TTC28: variants seen among roughly 807,000 people sequenced by gnomAD.
The protein encoded by TTC28 is tetratricopeptide repeat domain 28.
A neutral mutation model predicts 198.0 loss-of-function variants in TTC28; 61 were observed. The observed-to-expected ratio is 0.31, with a 90% confidence interval of 0.25 to 0.38. The LOEUF (loss-of-function observed/expected upper bound fraction) is 0.38. TTC28 is among the 10% of genes least tolerant of loss of function. The pLI, the probability that TTC28 is intolerant of heterozygous loss-of-function variation, is 1.00. For missense variants in TTC28, 2,678 were observed against 3,164.0 expected (o/e 0.85, Z 3.69); for synonymous variants, 1,171 against 1,297.8 (o/e 0.90, Z 2.10).
intron 5 of TTC28, among the ~76,000 whole-genome samples, chr22:28,276,504 G>A (rs1932441642): frequency 1.3e-5 from 2 of 152,104 alleles, no homozygotes; most frequent in Admixed American, 1.3e-4. Flanking sequence ...TTATGCTACT[G>A]CCAAATATAT....
intron 12 of TTC28, among the ~76,000 whole-genome samples, chr22:28,041,481 G>A (rs2146674242): frequency 6.6e-6 from 1 of 152,276 alleles, no homozygotes; most frequent in Admixed American, 6.5e-5. Flanking sequence ...AAGAAATGGG[G>A]AAAGGATTCC....
intron 2 of TTC28, among the ~76,000 whole-genome samples, chr22:28,626,109 G>C (rs1409551653): frequency 4.6e-5 from 7 of 151,954 alleles, no homozygotes; most frequent in Admixed American, 4.6e-4. Context: ...CCTTGGCGAA[G>C]ACAAAGGTTT....
At chr22:28,608,251 A>G (rs939424665) in intron 2 of TTC28, among the ~76,000 whole-genome samples, 1 of 152,218 alleles carries the variant, frequency 6.6e-6, no homozygotes, top group Non-Finnish European at 1.5e-5. Context: ...TATGAAAACC[A>G]AAAGCTTAGG....
At chr22:28,557,359 CTGCCTCTG>C (rs1278527769) in intron 2 of TTC28, among the ~76,000 whole-genome samples, 1 of 152,198 alleles carries the variant, frequency 6.6e-6, no homozygotes, top group East Asian at 1.9e-4. Context: ...TTCCATTTCT[CTGCCTCTG>C]TGCTACATTC....
At chr22:28,104,941 C>T (rs894553685) in intron 8 of TTC28, among the ~76,000 whole-genome samples, 1 of 152,166 alleles carries the variant, frequency 6.6e-6, no homozygotes, top group African/African-American at 2.4e-5. Flanking sequence ...TGTGCGAGAA[C>T]GTGCTGCTCA....
intron 2 of TTC28, among the ~76,000 whole-genome samples, chr22:28,520,592 A>T (rs76178946): frequency 0.029 from 4,477 of 152,206 alleles, 95 homozygotes; most frequent in Non-Finnish European, 0.049. Flanking sequence ...AAAGTAAATG[A>T]ACAAATAAAC....
At chr22:28,661,989 C>A (rs188564443) in intron 1 of TTC28, among the ~76,000 whole-genome samples, 2 of 152,264 alleles carry the variant, frequency 1.3e-5, no homozygotes, top group East Asian at 3.9e-4. Context: ...AATCCTCCTA[C>A]TTCAGCCTCC....
chr22:28,470,723 C>T (rs1052429560), intron 2 of TTC28, among the ~76,000 whole-genome samples: 35 of 152,030 alleles, frequency 2.3e-4, no homozygotes, highest in Non-Finnish European at 4.3e-4. Context: ...AAGAAAAGTA[C>T]GTTTGTAAGA....
At chr22:28,417,081 A>G (rs1164273544) in intron 2 of TTC28, among the ~76,000 whole-genome samples, 1 of 151,978 alleles carries the variant, frequency 6.6e-6, no homozygotes, top group Non-Finnish European at 1.5e-5. Flanking sequence ...GCTGACATGG[A>G]CCTTAGGAAA....
intron 2 of TTC28, among the ~76,000 whole-genome samples, chr22:28,612,814 C>A (rs747697597): frequency 3.3e-5 from 5 of 152,144 alleles, no homozygotes; most frequent in Non-Finnish European, 7.3e-5. Flanking sequence ...GCCAGAATCT[C>A]TGATACGCAT....
chr22:28,558,735 G>T (rs2049823966), intron 2 of TTC28, among the ~76,000 whole-genome samples: 2 of 149,406 alleles, frequency 1.3e-5, no homozygotes, highest in Admixed American at 1.3e-4. Context: ...TTATCCTAAA[G>T]AATTTCCATT....
intron 2 of TTC28, among the ~76,000 whole-genome samples, chr22:28,478,184 T>C (rs1432791747): frequency 1.3e-5 from 2 of 152,182 alleles, no homozygotes; most frequent in Non-Finnish European, 2.9e-5. Flanking sequence ...TGTTGATTCT[T>C]TTCTAGCTGT....
At chr22:28,088,873 C>A (rs1941716046) in intron 12 of TTC28, among the ~76,000 whole-genome samples, 1 of 152,218 alleles carries the variant, frequency 6.6e-6, no homozygotes, top group Non-Finnish European at 1.5e-5. Flanking sequence ...AGACACTTCT[C>A]AGAAGAAGAC....
chr22:28,028,263 C>A (rs1320150815), intron 13 of TTC28, among the ~76,000 whole-genome samples: 5 of 152,218 alleles, frequency 3.3e-5, no homozygotes, highest in Admixed American at 2.6e-4. Context: ...TGCTGCTCCC[C>A]ACTCAGTCCC....
intron 1 of TTC28, among the ~76,000 whole-genome samples, chr22:28,641,834 T>C (rs1026892738): frequency 2.4e-4 from 37 of 152,126 alleles, no homozygotes; most frequent in African/African-American, 8.9e-4. Context: ...TAAATATAAA[T>C]GAACATCAGC....
At chr22:28,137,926 A>G (rs1198437515) in intron 6 of TTC28, among the ~76,000 whole-genome samples, 3 of 152,062 alleles carry the variant, frequency 2.0e-5, no homozygotes, top group African/African-American at 2.4e-5. Flanking sequence ...GAGGCAGGAG[A>G]GGCACTTGAG....
chr22:28,206,868 C>G (rs1190800689), intron 5 of TTC28, among the ~76,000 whole-genome samples: 2 of 152,144 alleles, frequency 1.3e-5, no homozygotes, highest in African/African-American at 4.8e-5. Context: ...GCAACTGACT[C>G]ACGTTGTTAC....
intron 12 of TTC28, among the ~76,000 whole-genome samples, chr22:28,042,281 G>A (rs745580301): frequency 2.6e-5 from 4 of 151,952 alleles, no homozygotes; most frequent in East Asian, 1.9e-4. Context: ...ACATGCACAC[G>A]TATTTTTATT....
chr22:28,099,522 T>G (rs753812823), intron 9 of TTC28, among the ~76,000 whole-genome samples: 1 of 152,160 alleles, frequency 6.6e-6, no homozygotes, highest in African/African-American at 2.4e-5. Context: ...GCCCACTGAC[T>G]TCCCTCGGAC....
Sources: gnomAD v4.1 joint callset for allele counts (sites outside exome capture counted in the v4.1 genomes callset) on GRCh38, gnomAD v4.1.1 for gene constraint, MANE v1.5 for transcripts, NCBI Gene and HGNC (gene_info 2026-07-23, HGNC 2026-07-21) for gene names.